Variants in POU6F2 observed in about 807,000 individuals in gnomAD.
POU6F2 encodes POU domain, class 6, transcription factor 2.
In POU6F2, 31 loss-of-function variants were observed where a neutral mutation model predicts 71.3. That is an observed-to-expected ratio of 0.43 (90% CI 0.33 to 0.59). The LOEUF is 0.59. POU6F2 is among the 20% of genes least tolerant of loss of function. The probability of loss-of-function intolerance (pLI) is 0.04; values close to 1 mark genes in which losing one functional copy is unlikely to be tolerated. For synonymous variants in POU6F2, 347 were observed against 355.7 expected, an observed-to-expected ratio of 0.98 and a Z score of 0.27; for missense variants, 783 against 856.8, an observed-to-expected ratio of 0.91 and a Z score of 1.07.
chr7:39,177,835 T>C (rs1277615126), intron 2 of POU6F2, among the ~76,000 whole-genome samples: 1 of 152,256 alleles, frequency 6.6e-6, no homozygotes, highest in Admixed American at 6.5e-5. Context: ...TTAAAATTAA[T>C]GATTTCCCTG....
chr7:39,000,428 C>A (rs1467599481), intron 1 of POU6F2, among the ~76,000 whole-genome samples: 1 of 152,030 alleles, frequency 6.6e-6, no homozygotes, highest in Non-Finnish European at 1.5e-5. Context: ...TATTACACAA[C>A]AGCCACTAAT....
At chr7:39,041,769 T>C (rs867405631) in intron 1 of POU6F2, among the ~76,000 whole-genome samples, 1 of 151,960 alleles carries the variant, frequency 6.6e-6, no homozygotes, top group East Asian at 1.9e-4. Context: ...GCCAGACTTA[T>C]AAAGTCTTCT....
intron 2 of POU6F2, among the ~76,000 whole-genome samples, chr7:39,131,892 G>A (rs939886523): frequency 1.3e-5 from 2 of 151,882 alleles, no homozygotes; most frequent in Non-Finnish European, 2.9e-5. Flanking sequence ...CATAGTAGGT[G>A]TGTATCTTTA....
At chr7:39,149,863 T>C (rs1455813990) in intron 2 of POU6F2, among the ~76,000 whole-genome samples, 1 of 150,686 alleles carries the variant, frequency 6.6e-6, no homozygotes, top group Non-Finnish European at 1.5e-5. Flanking sequence ...TTCATCCATT[T>C]TGTGGCAAAT....
intron 4 of POU6F2, among the ~76,000 whole-genome samples, chr7:39,281,039 G>A (rs1784553717): frequency 6.6e-6 from 1 of 152,144 alleles, no homozygotes; most frequent in Admixed American, 6.6e-5. Context: ...TGAATGGAAA[G>A]TACCAGGGAA....
intron 1 of POU6F2, among the ~76,000 whole-genome samples, chr7:38,981,931 C>G (rs1788325614): frequency 6.6e-6 from 1 of 152,128 alleles, no homozygotes; most frequent in Admixed American, 6.6e-5. Context: ...GTTATAGCAT[C>G]AAAACAATTA....
At chr7:39,154,163 G>A (rs958482788) in intron 2 of POU6F2, among the ~76,000 whole-genome samples, 4 of 152,188 alleles carry the variant, frequency 2.6e-5, no homozygotes, top group Non-Finnish European at 4.4e-5. Context: ...TTAAAATCAA[G>A]TTAAAGGGAT....
chr7:39,159,734 G>A (rs1053626765), intron 2 of POU6F2, among the ~76,000 whole-genome samples: 2 of 152,028 alleles, frequency 1.3e-5, no homozygotes, highest in Non-Finnish European at 1.5e-5. Flanking sequence ...GGGTAGGAAG[G>A]AAAAGAAAGA....
At chr7:39,210,522 C>T (rs767536189) in intron 4 of POU6F2, among the ~76,000 whole-genome samples, 12 of 152,184 alleles carry the variant, frequency 7.9e-5, no homozygotes, top group Non-Finnish European at 1.3e-4. Flanking sequence ...TTTACATCCC[C>T]TATCAAGTCA....
intron 1 of POU6F2, among the ~76,000 whole-genome samples, chr7:39,019,682 C>T (rs1479943693): frequency 6.7e-6 from 1 of 148,368 alleles, no homozygotes; most frequent in East Asian, 1.9e-4. Flanking sequence ...TGGAACGTTT[C>T]CTTGACTTTT....
At chr7:39,302,180 CAA>C (rs1376202321) in intron 4 of POU6F2, among the ~76,000 whole-genome samples, 1 of 152,058 alleles carries the variant, frequency 6.6e-6, no homozygotes, top group African/African-American at 2.4e-5. Flanking sequence ...TATGCAAATT[CAA>C]AAGTTATGAG....
intron 4 of POU6F2, among the ~76,000 whole-genome samples, chr7:39,294,304 A>G (rs1187078068): frequency 6.7e-6 from 1 of 149,494 alleles, no homozygotes; most frequent in Non-Finnish European, 1.5e-5. Flanking sequence ...TTTGTCTAAC[A>G]ATAGTATTAG....
intron 4 of POU6F2, among the ~76,000 whole-genome samples, chr7:39,297,259 A>G (rs889371520): frequency 2.0e-5 from 3 of 150,854 alleles, no homozygotes; most frequent in African/African-American, 7.3e-5. Context: ...ATACGTGCAC[A>G]TTTTTTTCCT....
At chr7:39,108,344 G>A (rs745716958) in intron 2 of POU6F2, among the ~76,000 whole-genome samples, 14 of 151,766 alleles carry the variant, frequency 9.2e-5, no homozygotes, top group Non-Finnish European at 1.9e-4. Flanking sequence ...CCTAGCCTGG[G>A]TGCTGGTTGA....
In POU6F2 at chr7:39,194,834, G is replaced by A. The variant is rs202230767; in HGVS notation, c.278-9401G>A. Among the ~76,000 whole-genome samples the A allele has an allele frequency of 1.7e-4, 26 of 152,270 alleles. No individual in the cohort carries two copies. In the East Asian group the frequency reaches 3.5e-3, roughly 20 times the overall value. On this transcript the variant is annotated intron_variant, in intron 2 of 9. Coordinates refer to ENST00000518318, the MANE Select transcript of POU6F2 (RefSeq NM_001370959.1). ...AGTCAGCGAGACCACGAACCCCCCC[G>A]GGGAGGAAGAAGCAATTCTGGACGT...
At chr7:39,211,666 T>C (rs534750714) in intron 4 of POU6F2, among the ~76,000 whole-genome samples, 492 of 152,290 alleles carry the variant, frequency 3.2e-3, no homozygotes, top group African/African-American at 0.012. Context: ...GAGTTAGACA[T>C]CTTGCAGGAT....
rs138522953 is a variant in POU6F2 at position 39,150,101 on chromosome 7, G to A, written c.278-54134G>A. ...GGGGTTTCACCCTGTTAGCCAAGAT[G>A]GTCTCAATCTCGATCTCCTGACCTC... On this transcript the variant is annotated intron_variant, in intron 2 of 9. Coordinates refer to ENST00000518318, the MANE Select transcript of POU6F2 (RefSeq NM_001370959.1). Among the ~76,000 whole-genome samples the A allele has an allele frequency of 7.4e-4, 113 of 152,110 alleles. 3 individuals carry two copies. In the East Asian group the frequency reaches 0.019, roughly 26 times the overall value.
chr7:39,138,728 C>T (rs1322552101), intron 2 of POU6F2, among the ~76,000 whole-genome samples: 1 of 152,160 alleles, frequency 6.6e-6, no homozygotes, highest in African/African-American at 2.4e-5. Context: ...ATAAAGTACA[C>T]AATAAATGTA....
At position 39,026,501 on chromosome 7, in the gene POU6F2, C is replaced by CA. The variant is rs1266652751; in HGVS notation, c.105+48449dup. Among the ~76,000 whole-genome samples, 56 of 151,842 alleles carry CA rather than the reference C, an allele frequency of 3.7e-4. 1 individual carries two copies. In the East Asian group the frequency reaches 8.4e-3, roughly 23 times the overall value. On this transcript the variant is annotated intron_variant, in intron 1 of 9. Transcript: ENST00000518318. Reference sequence around the variant, plus strand: ...CATTCTCAGTAAACTATGGCAAGGACAAAAAACCAAACACCGCATGTTCTC... The same window carrying CA: ...CATTCTCAGTAAACTATGGCAAGGACAAAAAAACCAAACACCGCATGTTCTC...
Sources: allele counts gnomAD v4.1 joint callset (sites outside exome capture counted in the v4.1 genomes callset), GRCh38; gene constraint gnomAD v4.1.1; transcripts MANE v1.5; gene names NCBI Gene and HGNC (gene_info 2026-07-23, HGNC 2026-07-21).